Variants in DPP6 observed in about 807,000 individuals in gnomAD.
The protein encoded by DPP6 is A-type potassium channel modulatory protein DPP6.
DPP6 carries 69 observed loss-of-function variants against 122.6 expected under a neutral mutation model. The observed-to-expected ratio is 0.56, with a 90% CI of 0.46 to 0.69. The LOEUF (loss-of-function observed/expected upper bound fraction) is 0.69. Among genes scored for constraint, DPP6 ranks in the 30% least tolerant of loss-of-function variants. The pLI, the probability that DPP6 is intolerant of heterozygous loss-of-function variation, is 0.00. For synonymous variants in DPP6, 418 were observed against 433.1 expected (o/e 0.97, Z 0.43); for missense variants, 928 against 1,116.9 (o/e 0.83, Z 2.41).
chr7:154,442,562 A>T lies in DPP6; in HGVS notation c.244-3652A>T, dbSNP rs1035006745. Among the ~76,000 whole-genome samples the T allele has an allele frequency of 1.3e-5, 2 of 152,254 alleles. 1 individual carries two copies. On this transcript the variant is annotated intron_variant, in intron 1 of 25. Transcript: ENST00000377770. ...AGGAAAGGGGACATGGAAGGGAATG[A>T]CTTGCTCCAGGAACAATAGGGTATG... is the stretch of plus-strand genomic sequence containing the variant.
rs78696467 is a variant in DPP6, at chr7:154,301,594, C to A, written c.244-144620C>A. ...GATGATGGCACCGATAATGCCCAGG[C>A]AGATTTAGTTTTGATCTCCAATGAA... On this transcript the variant is annotated intron_variant, in intron 1 of 25. Coordinates refer to ENST00000377770, the MANE Select transcript of DPP6 (RefSeq NM_130797.4). Among the ~76,000 whole-genome samples, 701 of 152,150 alleles carry A rather than the reference C, an allele frequency of 4.6e-3. 8 individuals carry two copies. Among genetic ancestry groups the A allele is most frequent in the East Asian group, 0.044 (227 of 5,146 alleles).
In DPP6 at chr7:154,114,885, A is replaced by G. The variant is rs189277420; in HGVS notation, c.243+61822A>G. On this transcript the variant is annotated intron_variant, in intron 1 of 25. Coordinates refer to ENST00000377770, the MANE Select transcript of DPP6 (RefSeq NM_130797.4). Reference sequence around the variant, plus strand: ...TCTGTGCTACATGCTGGCTGTAGCCATGGGTCTCATTCTAAAACATCCTTG... The same window carrying G: ...TCTGTGCTACATGCTGGCTGTAGCCGTGGGTCTCATTCTAAAACATCCTTG... 2.5e-3 allele frequency among the ~76,000 whole-genome samples: 385 copies of G among 152,314 alleles called. 1 individual carries two copies. The highest frequency in any genetic ancestry group is 8.9e-3 in the African/African-American group (368 of 41,570).
At chr7:154,190,779 G>C (rs533890758) in intron 1 of DPP6, among the ~76,000 whole-genome samples, 3 of 152,180 alleles carry the variant, frequency 2.0e-5, no homozygotes, top group African/African-American at 7.2e-5. Context: ...GGCAAGAGCT[G>C]TTACTTCTTA....
At chr7:154,079,278 T>TGC (rs1235894744) in intron 1 of DPP6, among the ~76,000 whole-genome samples, 2 of 152,202 alleles carry the variant, frequency 1.3e-5, no homozygotes, top group East Asian at 3.9e-4. Flanking sequence ...TGAGGGTAGA[T>TGC]GCCCTTAGAC....
chr7:154,407,804 A>G (rs989761453), intron 1 of DPP6, among the ~76,000 whole-genome samples: 2 of 152,112 alleles, frequency 1.3e-5, no homozygotes, highest in Non-Finnish European at 2.9e-5. Context: ...CGTGTCCAAT[A>G]TGGAGATTGA....
chr7:154,244,364 G>T (rs757113821), intron 1 of DPP6, among the ~76,000 whole-genome samples: 1 of 152,122 alleles, frequency 6.6e-6, no homozygotes, highest in East Asian at 1.9e-4. Flanking sequence ...TTAAGAGTCA[G>T]CAGACCTATA....
intron 2 of DPP6, among the ~76,000 whole-genome samples, chr7:154,472,299 G>A (rs1043078481): frequency 1.3e-5 from 2 of 152,114 alleles, no homozygotes; most frequent in Non-Finnish European, 2.9e-5. Context: ...AGGATTTCCT[G>A]TTCACATTGT....
At chr7:154,377,302 A>C (rs1813211858) in intron 1 of DPP6, among the ~76,000 whole-genome samples, 2 of 152,202 alleles carry the variant, frequency 1.3e-5, no homozygotes, top group Admixed American at 1.3e-4. Context: ...AGCCTGGCAC[A>C]TCCCAAGGGC....
intron 6 of DPP6, among the ~76,000 whole-genome samples, chr7:154,650,567 C>G (rs982963122): frequency 6.6e-6 from 1 of 152,138 alleles, no homozygotes; most frequent in African/African-American, 2.4e-5. Flanking sequence ...AAAGTGAGGG[C>G]TGGCAAACCC....
At chr7:153,877,072 C>T in the DPP6 span, among the ~76,000 whole-genome samples, 1 of 151,872 alleles carries the variant, frequency 6.6e-6, no homozygotes, top group African/African-American at 2.4e-5. Context: ...TAGACTTTCC[C>T]AACACTTTAC....
rs371475913 is a variant in DPP6 at position 154,889,343 on chromosome 7, T to C, written c.2376T>C (p.Asp792=). The change falls in exon 24 of 26, where the codon GAT becomes GAC. Residue 792 remains aspartate, a splice_region_variant and synonymous_variant. Transcript: ENST00000377770. The part of the protein sequence containing the change: ...QQFLIIHPTA[D]EKIHFQHTAE... ...TCCTGATCATTCATCCCACTGCCGA[T>C]GGTAAGGACTGAAAACATGAATTCA... 4.2e-5 allele frequency: 67 copies of C among 1,612,124 alleles called. No individual in the cohort carries two copies. Among genetic ancestry groups the C allele is most frequent in the Non-Finnish European group, 5.4e-5 (64 of 1,179,526 alleles).
intron 8 of DPP6, among the ~76,000 whole-genome samples, chr7:154,728,462 G>A (rs916040500): frequency 6.6e-6 from 1 of 152,124 alleles, no homozygotes; most frequent in Non-Finnish European, 1.5e-5. Context: ...GAAGTCAGAG[G>A]GGGAAGCTCT....
At chr7:154,441,588 G>C (rs1819377215) in intron 1 of DPP6, among the ~76,000 whole-genome samples, 1 of 152,132 alleles carries the variant, frequency 6.6e-6, no homozygotes, top group South Asian at 2.1e-4. Context: ...GCAAATCCAT[G>C]AGAGATACGA....
At chr7:154,798,124 C>G (rs770588771) in intron 12 of DPP6, among the ~76,000 whole-genome samples, 6 of 152,344 alleles carry the variant, frequency 3.9e-5, no homozygotes, top group Non-Finnish European at 8.8e-5. Flanking sequence ...CCCTGTCCCC[C>G]TCAAGAGGCA....
intron 4 of DPP6, among the ~76,000 whole-genome samples, chr7:154,544,480 C>T (rs1396177420): frequency 6.6e-6 from 1 of 152,158 alleles, no homozygotes; most frequent in Admixed American, 6.5e-5. Flanking sequence ...CCATGACCTG[C>T]ACATAGTAGA....
the DPP6 span, among the ~76,000 whole-genome samples, chr7:153,802,447 AT>A: frequency 1.3e-5 from 2 of 152,172 alleles, no homozygotes; most frequent in African/African-American, 4.8e-5. Context: ...CCAAATAAGA[AT>A]TCTGTCTGTA....
intron 1 of DPP6, among the ~76,000 whole-genome samples, chr7:154,332,502 T>C (rs1007372094): frequency 3.3e-4 from 51 of 152,374 alleles, no homozygotes; most frequent in African/African-American, 1.2e-3. Context: ...ATGCAGTTGA[T>C]GTTGGTCCAT....
In DPP6 at chr7:154,686,456, C is replaced by T. The variant is rs79497559; in HGVS notation, c.762+17015C>T. On this transcript the variant is annotated intron_variant, in intron 7 of 25. Transcript: ENST00000377770. ...CAATGCACAGAAGCTGGATGTCTCC[C>T]GATACAGCATCTGGTGTAATTAATC... Among the ~76,000 whole-genome samples, 1,109 of 151,246 alleles carry T rather than the reference C, an allele frequency of 7.3e-3. 11 individuals are homozygous for T. Among genetic ancestry groups the T allele is most frequent in the African/African-American group, 0.024 (996 of 41,276 alleles).
At chr7:154,705,928 C>T (rs1477132726) in intron 7 of DPP6, among the ~76,000 whole-genome samples, 1 of 152,216 alleles carries the variant, frequency 6.6e-6, no homozygotes, top group African/African-American at 2.4e-5. Context: ...CAGTTTCCTG[C>T]GTAGAAGGGT....
Sources: allele counts gnomAD v4.1 joint callset (sites outside exome capture counted in the v4.1 genomes callset), GRCh38; gene constraint gnomAD v4.1.1; transcripts MANE v1.5; gene names NCBI Gene and HGNC (gene_info 2026-07-23, HGNC 2026-07-21).